The following HCN1 variants were observed in gnomAD, a reference collection of about 807,000 sequenced individuals.
The protein encoded by HCN1 is hyperpolarization activated cyclic nucleotide gated potassium channel 1, also known as potassium/sodium hyperpolarization-activated cyclic nucleotide-gated channel 1.
HCN1 carries 13 observed loss-of-function variants against 78.9 expected under a neutral mutation model. The observed-to-expected ratio is 0.16, with a 90% confidence interval of 0.11 to 0.26. The LOEUF is 0.26. HCN1 is among the 10% of genes least tolerant of loss of function. The probability of loss-of-function intolerance (pLI) is 1.00; values close to 1 mark genes in which losing one functional copy is unlikely to be tolerated. For synonymous variants in HCN1, 552 were observed against 455.5 expected, an observed-to-expected ratio of 1.21 and a Z score of -2.70; for missense variants, 810 against 1,154.3, an observed-to-expected ratio of 0.70 and a Z score of 4.32.
intron 3 of HCN1, among the ~76,000 whole-genome samples, chr5:45,441,918 C>T (rs1055412251): frequency 2.0e-5 from 3 of 152,110 alleles, no homozygotes; most frequent in African/African-American, 7.2e-5. Flanking sequence ...TTAATGTATG[C>T]TGTTTTACAG....
intron 2 of HCN1, among the ~76,000 whole-genome samples, chr5:45,605,361 G>A (rs1165797807): frequency 6.6e-6 from 1 of 151,812 alleles, no homozygotes; most frequent in Admixed American, 6.6e-5. Context: ...AGTTATGCAG[G>A]AGAATAATTT....
At chr5:45,646,813 G>T (rs1745558367) in intron 1 of HCN1, among the ~76,000 whole-genome samples, 1 of 152,046 alleles carries the variant, frequency 6.6e-6, no homozygotes, top group Non-Finnish European at 1.5e-5. Context: ...AAACACAACT[G>T]TATAATCATG....
rs1284881930 is a variant in HCN1, at chr5:45,260,760, C to T, written c.*1161G>A. 6.6e-6 allele frequency: 1 copy of T among 152,554 alleles called. No homozygotes were observed. The highest frequency in any genetic ancestry group is 1.5e-5 in the Non-Finnish European group (1 of 68,020). 9.5% of individuals were successfully genotyped at this position (152,554 alleles called of 1,614,324 possible). On this transcript the variant is annotated 3_prime_UTR_variant, in exon 8 of 8. Coordinates refer to ENST00000303230, the MANE Select transcript of HCN1 (RefSeq NM_021072.4). ...ATATTAAATAAAAGTGAAAACCTCA[C>T]TTCTAGACTTAAGTCAGAGATCCAA...
intron 5 of HCN1, among the ~76,000 whole-genome samples, chr5:45,332,517 ACT>A (rs2111953947): frequency 6.7e-6 from 1 of 149,648 alleles, no homozygotes; most frequent in East Asian, 2.0e-4. Flanking sequence ...CCATCCTTCT[ACT>A]CTCTATCTCC....
At chr5:45,566,927 T>G (rs1359066654) in intron 2 of HCN1, among the ~76,000 whole-genome samples, 1 of 152,170 alleles carries the variant, frequency 6.6e-6, no homozygotes, top group African/African-American at 2.4e-5. Context: ...TGTCAGTCTG[T>G]TCCCCTCACT....
chr5:45,571,101 A>C (rs1310719153), intron 2 of HCN1, among the ~76,000 whole-genome samples: 1 of 152,076 alleles, frequency 6.6e-6, no homozygotes, highest in Non-Finnish European at 1.5e-5. Flanking sequence ...AAATATGCTT[A>C]GTTTCTAAAA....
chr5:45,453,465 CAT>C (rs1434067382), intron 3 of HCN1, among the ~76,000 whole-genome samples: 3 of 152,110 alleles, frequency 2.0e-5, no homozygotes, highest in African/African-American at 7.2e-5. Context: ...CCAACACACA[CAT>C]ACAAAACACA....
chr5:45,366,007 G>A (rs924080686), intron 4 of HCN1, among the ~76,000 whole-genome samples: 1 of 151,760 alleles, frequency 6.6e-6, no homozygotes, highest in African/African-American at 2.4e-5. Flanking sequence ...AAGCCAATTA[G>A]CATAAATCTA....
At chr5:45,388,726 T>C (rs1042216076) in intron 4 of HCN1, among the ~76,000 whole-genome samples, 4 of 152,142 alleles carry the variant, frequency 2.6e-5, no homozygotes. Flanking sequence ...AGCAGTGTCA[T>C]CCCACTTACC....
intron 3 of HCN1, among the ~76,000 whole-genome samples, chr5:45,413,542 C>G (rs1352430924): frequency 6.6e-6 from 1 of 151,944 alleles, no homozygotes; most frequent in Non-Finnish European, 1.5e-5. Flanking sequence ...ATGTATTTTT[C>G]CATAGTTTGT....
intron 2 of HCN1, among the ~76,000 whole-genome samples, chr5:45,485,175 T>C (rs1321309013): frequency 6.6e-6 from 1 of 152,178 alleles, no homozygotes; most frequent in Non-Finnish European, 1.5e-5. Context: ...CAAAAGCAAT[T>C]GATTGGTTTG....
chr5:45,334,626 A>G (rs1353615065), intron 5 of HCN1, among the ~76,000 whole-genome samples: 1 of 151,958 alleles, frequency 6.6e-6, no homozygotes, highest in Non-Finnish European at 1.5e-5. Context: ...TTTCCCTGTC[A>G]AGCCTGGATC....
intron 2 of HCN1, among the ~76,000 whole-genome samples, chr5:45,536,616 TTCTC>T (rs1453828410): frequency 1.3e-5 from 2 of 152,198 alleles, no homozygotes; most frequent in Non-Finnish European, 2.9e-5. Flanking sequence ...AAAATGTCAC[TTCTC>T]TAACATTCTT....
chr5:45,383,791 T>C (rs1245801358), intron 4 of HCN1, among the ~76,000 whole-genome samples: 8 of 152,078 alleles, frequency 5.3e-5, no homozygotes, highest in African/African-American at 1.9e-4. Flanking sequence ...ACTTGGGTTA[T>C]TTCCAGATAA....
At chr5:45,290,321 C>G (rs1745345869) in intron 6 of HCN1, among the ~76,000 whole-genome samples, 1 of 151,980 alleles carries the variant, frequency 6.6e-6, no homozygotes, top group South Asian at 2.1e-4. Flanking sequence ...GGGCACTAAT[C>G]CTATTCATCA....
intron 6 of HCN1, among the ~76,000 whole-genome samples, chr5:45,271,583 T>C (rs1434572266): frequency 6.6e-6 from 1 of 152,176 alleles, no homozygotes; most frequent in African/African-American, 2.4e-5. Flanking sequence ...TCTAGAGTTT[T>C]ATTGTCCTTA....
At chr5:45,471,089 T>C (rs1741380915) in intron 2 of HCN1, among the ~76,000 whole-genome samples, 1 of 151,962 alleles carries the variant, frequency 6.6e-6, no homozygotes, top group South Asian at 2.1e-4. Context: ...TTCTCCCAGA[T>C]ACTTAAAGAC....
chr5:45,492,550 T>A (rs1420402078), intron 2 of HCN1, among the ~76,000 whole-genome samples: 3 of 130,030 alleles, frequency 2.3e-5, no homozygotes, highest in Non-Finnish European at 3.2e-5. Flanking sequence ...GACAAGAGCC[T>A]TGCTCTGTCG....
intron 2 of HCN1, among the ~76,000 whole-genome samples, chr5:45,482,734 T>C (rs545927593): frequency 6.6e-6 from 1 of 152,198 alleles, no homozygotes; most frequent in South Asian, 2.1e-4. Flanking sequence ...ACAATACCTA[T>C]AGGTAGTTTT....
Sources: allele counts gnomAD v4.1 joint callset (sites outside exome capture counted in the v4.1 genomes callset), GRCh38; gene constraint gnomAD v4.1.1; transcripts MANE v1.5; gene names NCBI Gene and HGNC (gene_info 2026-07-23, HGNC 2026-07-21).